Variants in SCLT1 observed in about 807,000 individuals in gnomAD.
SCLT1 encodes the protein sodium channel and clathrin linker 1.
In SCLT1, 78 loss-of-function variants were observed where a neutral mutation model predicts 112.8. The ratio of observed to expected loss-of-function variants is 0.69; its 90% confidence interval spans 0.58 to 0.83. The LOEUF is 0.83. Ranked by LOEUF, SCLT1 falls within the 40% of genes least tolerant of loss-of-function variation. The probability of loss-of-function intolerance (pLI) is 0.00; values close to 1 mark genes in which losing one functional copy is unlikely to be tolerated. For missense variants in SCLT1, 747 were observed against 770.4 expected (o/e 0.97, Z 0.36); for synonymous variants, 257 against 254.7 (o/e 1.01, Z -0.09).
intron 15 of SCLT1, among the ~76,000 whole-genome samples, chr4:128,947,387 AT>A (rs1738263236): frequency 6.6e-6 from 1 of 152,122 alleles, no homozygotes; most frequent in South Asian, 2.1e-4. Context: ...CAAAAGTCCT[AT>A]TTTGAACACA....
intron 18 of SCLT1, among the ~76,000 whole-genome samples, chr4:128,914,847 A>C (rs1433416581): frequency 6.6e-6 from 1 of 152,160 alleles, no homozygotes; most frequent in East Asian, 1.9e-4. Context: ...CAAACAAATA[A>C]TTTTCAGTAT....
intron 8 of SCLT1, 27 bp downstream of exon 8, chr4:128,997,847 C>A (rs1289194743): frequency 3.7e-6 from 4 of 1,085,306 alleles, no homozygotes; most frequent in Admixed American, 2.5e-5. Context: ...GGGACAATTT[C>A]TAGTTTATAT....
chr4:128,893,692 G>A (rs1016608681), intron 18 of SCLT1, among the ~76,000 whole-genome samples: 10 of 151,784 alleles, frequency 6.6e-5, no homozygotes, highest in South Asian at 2.1e-4. Flanking sequence ...ACAGGCGCCC[G>A]CCACCACGCC....
intron 5 of SCLT1, among the ~76,000 whole-genome samples, chr4:129,027,436 T>A (rs898134942): frequency 6.6e-6 from 1 of 152,166 alleles, no homozygotes; most frequent in African/African-American, 2.4e-5. Flanking sequence ...CACATGATTA[T>A]GTCAATAGAT....
intron 2 of SCLT1, among the ~76,000 whole-genome samples, chr4:129,060,019 G>T (rs1749810231): frequency 6.6e-6 from 1 of 152,034 alleles, no homozygotes; most frequent in Non-Finnish European, 1.5e-5. Flanking sequence ...CATAAGTACT[G>T]TAGCCTTTGT....
chr4:129,052,302 C>T (rs1748874349), intron 2 of SCLT1, among the ~76,000 whole-genome samples: 2 of 152,158 alleles, frequency 1.3e-5, no homozygotes, highest in Admixed American at 1.3e-4. Flanking sequence ...AGGAATTGTA[C>T]CAGCTCCTCT....
At position 129,039,086 on chromosome 4, in the gene SCLT1, C is replaced by A. The variant is rs1214660773; in HGVS notation, c.245G>T (p.Gly82Val). ...GQLKYYQKQV[G>V]EMKLQLENVI... The stretch of plus-strand genomic sequence containing the variant: ...ATTTTCAAGTTGTAATTTCATCTCA[C>A]CCACCTGTTTCTGAAAGAATAAAAT... The change falls in exon 5 of 21, where the codon GGT becomes GTT. Residue 82 changes from glycine (G) to valine (V), a missense_variant. Physicochemically the swap from Gly to Val is moderately radical, Grantham distance 109. This residue lies in a region of SCLT1 where 723 missense variants were observed against 721.3 expected (regional missense o/e 1.00). Transcript: ENST00000281142. 5 of 1,598,774 alleles carry A rather than the reference C, an allele frequency of 3.1e-6. No individual in the cohort carries two copies. The Admixed American group carries it at 6.7e-5, about 21-fold the overall frequency.
intron 9 of SCLT1, among the ~76,000 whole-genome samples, chr4:128,972,624 G>A (rs1740788321): frequency 6.6e-6 from 1 of 152,144 alleles, no homozygotes. Flanking sequence ...CAAAATTCTA[G>A]AATTAGATTC....
chr4:129,039,897 C>CGT (rs1561001438), intron 4 of SCLT1: 2,371 of 209,016 alleles, frequency 0.011, 59 homozygotes, highest in African/African-American at 0.11. Flanking sequence ...AGTGTGCGCG[C>CGT]GCGCACACAC....
Position 129,093,050 on chromosome 4 carries a change from CA to C in SCLT1, c.34+19del. ...ATATTAAACATTGTATATGAAGTCT[CA>C]AAAAAACATGGAGCTTACTTTGCTC... is the stretch of plus-strand genomic sequence containing the variant. On this transcript the variant is annotated intron_variant, in intron 1 of 20. Coordinates refer to ENST00000281142, the MANE Select transcript of SCLT1 (RefSeq NM_144643.4). 3.8e-6 allele frequency: 6 copies of C among 1,585,958 alleles called. No homozygotes were observed. Among genetic ancestry groups the C allele is most frequent in the Non-Finnish European group, 5.2e-6 (6 of 1,154,352 alleles).
At chr4:128,991,022 A>G (rs1165876239) in intron 9 of SCLT1, among the ~76,000 whole-genome samples, 1 of 151,780 alleles carries the variant, frequency 6.6e-6, no homozygotes, top group Admixed American at 6.6e-5. Flanking sequence ...AATCAAATCT[A>G]TAGATTAAAT....
intron 18 of SCLT1, among the ~76,000 whole-genome samples, chr4:128,905,293 C>G (rs1341412748): frequency 6.6e-6 from 1 of 151,996 alleles, no homozygotes; most frequent in African/African-American, 2.4e-5. Flanking sequence ...TCTATTCTAC[C>G]TTCCAAATGT....
At chr4:129,016,078 GT>G (rs202091908) in intron 5 of SCLT1, among the ~76,000 whole-genome samples, 49 of 150,196 alleles carry the variant, frequency 3.3e-4, no homozygotes, top group Admixed American at 1.8e-3. Flanking sequence ...GTTCTAGAAT[GT>G]TTTTTTTTAG....
At position 128,888,789 on chromosome 4, in the gene SCLT1, T is replaced by C. The variant is rs900361073; in HGVS notation, c.1909-15A>G. On this transcript the variant is annotated splice_polypyrimidine_tract_variant and intron_variant, in intron 19 of 20. Coordinates refer to ENST00000281142, the MANE Select transcript of SCLT1 (RefSeq NM_144643.4). ...AGCTTTTCATTCTATTAAGGGGAAA[T>C]AGAAAACAAGTTAGAAATCCATATG... 3 of 1,518,154 alleles carry C rather than the reference T, an allele frequency of 2.0e-6. No individual in the cohort carries two copies. Among genetic ancestry groups the C allele is most frequent in the African/African-American group, 2.8e-5 (2 of 72,610 alleles). The allele number at this position is 1,518,154 out of a possible 1,614,324, so 94.0% of individuals were successfully genotyped here.
chr4:128,896,251 C>T (rs1455231824), intron 18 of SCLT1, among the ~76,000 whole-genome samples: 1 of 152,204 alleles, frequency 6.6e-6, no homozygotes, highest in Non-Finnish European at 1.5e-5. Flanking sequence ...CAAGTGGGTC[C>T]CTGACCCCCA....
chr4:128,949,412 G>A (rs577818532), intron 14 of SCLT1, among the ~76,000 whole-genome samples: 71 of 151,700 alleles, frequency 4.7e-4, no homozygotes, highest in African/African-American at 1.6e-3. Context: ...AAGTTTTAGG[G>A]TACATGTGCA....
intron 5 of SCLT1, among the ~76,000 whole-genome samples, chr4:129,014,584 C>A (rs968848361): frequency 7.9e-5 from 12 of 152,176 alleles, no homozygotes; most frequent in African/African-American, 2.9e-4. Flanking sequence ...GGGACCAATG[C>A]TCAGCTCCTG....
At chr4:129,086,094 A>G (rs1035002016) in intron 1 of SCLT1, among the ~76,000 whole-genome samples, 6 of 152,138 alleles carry the variant, frequency 3.9e-5, no homozygotes, top group Non-Finnish European at 8.8e-5. Context: ...GTTTTCAATT[A>G]AGAAAAAAAC....
At chr4:128,926,028 T>TA (rs201258342) in intron 18 of SCLT1, among the ~76,000 whole-genome samples, 2,763 of 151,822 alleles carry the variant, frequency 0.018, 124 homozygotes, top group African/African-American at 0.063. Flanking sequence ...TAATAAAAAT[T>TA]AAAAAAATAA....
Sources: gnomAD v4.1 joint callset for allele counts (sites outside exome capture counted in the v4.1 genomes callset) on GRCh38, gnomAD v4.1.1 for gene constraint, gnomAD v4.1.1 regional missense constraint, MANE v1.5 for transcripts, NCBI Gene and HGNC (gene_info 2026-07-23, HGNC 2026-07-21) for gene names.